The following ST18 variants were observed in gnomAD, a reference collection of about 807,000 sequenced individuals.
The protein encoded by ST18 is ST18 C2H2C-type zinc finger transcription factor.
A neutral mutation model predicts 110.0 loss-of-function variants in ST18; 50 were observed. The ratio of observed to expected loss-of-function variants is 0.45; its 90% CI spans 0.36 to 0.58. The LOEUF is 0.58. ST18 is among the 20% of genes least tolerant of loss of function. ST18 has a pLI of 0.00. For synonymous variants in ST18, 461 were observed against 452.4 expected (o/e 1.02, Z -0.24); for missense variants, 1,306 against 1,280.1 (o/e 1.02, Z -0.31).
intron 2 of ST18, among the ~76,000 whole-genome samples, chr8:52,276,685 C>T (rs1462382965): frequency 1.3e-5 from 2 of 151,950 alleles, no homozygotes; most frequent in South Asian, 2.1e-4. Flanking sequence ...ATGCCTTTAA[C>T]TCCACAGGGA....
At chr8:52,370,892 C>A (rs996183550) in intron 2 of ST18, among the ~76,000 whole-genome samples, 5 of 152,166 alleles carry the variant, frequency 3.3e-5, no homozygotes, top group African/African-American at 1.2e-4. Context: ...CCAACTGATC[C>A]AGTCTATGTA....
intron 2 of ST18, among the ~76,000 whole-genome samples, chr8:52,389,712 G>C (rs1040281401): frequency 6.6e-6 from 1 of 152,224 alleles, no homozygotes; most frequent in Non-Finnish European, 1.5e-5. Flanking sequence ...CTGCAGAAGA[G>C]AGGCCCAACT....
At chr8:52,310,213 G>C (rs1002702433) in intron 2 of ST18, among the ~76,000 whole-genome samples, 1 of 152,148 alleles carries the variant, frequency 6.6e-6, no homozygotes, top group Non-Finnish European at 1.5e-5. Context: ...CGGCAATTAT[G>C]AATCTTGGTT....
At chr8:52,156,311 G>A (rs2060001994) in intron 15 of ST18, among the ~76,000 whole-genome samples, 1 of 152,228 alleles carries the variant, frequency 6.6e-6, no homozygotes, top group Non-Finnish European at 1.5e-5. Context: ...TATACCAAAA[G>A]TGCTCAGCTG....
intron 8 of ST18, among the ~76,000 whole-genome samples, chr8:52,208,442 T>C (rs151279917): frequency 6.6e-6 from 1 of 152,332 alleles, no homozygotes; most frequent in Non-Finnish European, 1.5e-5. Context: ...ATGCTAAAAA[T>C]ATAAGCTTCC....
chr8:52,408,569 ACAAATAAAAGTGGTTATTATGCTTTGCT>A (rs1447514105), intron 2 of ST18, among the ~76,000 whole-genome samples: 2 of 152,256 alleles, frequency 1.3e-5, no homozygotes, highest in Non-Finnish European at 2.9e-5. Context: ...TATTGTACCA[ACAAATAAAAGTGGTTATTATGCTTTGCT>A]CAAGAAACTC....
chr8:52,325,523 G>A (rs1346220179), intron 2 of ST18, among the ~76,000 whole-genome samples: 1 of 151,980 alleles, frequency 6.6e-6, no homozygotes, highest in Non-Finnish European at 1.5e-5. Context: ...CATCCTGAAA[G>A]CTTAATTAGA....
At chr8:52,146,940 A>G (rs998171237) in intron 16 of ST18, among the ~76,000 whole-genome samples, 5 of 152,228 alleles carry the variant, frequency 3.3e-5, no homozygotes. Context: ...ATAAGCATTT[A>G]GCTTAAACAA....
rs181652880 is a variant in ST18, at chr8:52,222,467, T to C, written c.-418-674A>G. Among the ~76,000 whole-genome samples the C allele has an allele frequency of 8.5e-3, 1,290 of 152,186 alleles. 16 individuals are homozygous for C. Among genetic ancestry groups the C allele is most frequent in the South Asian group, 0.028 (135 of 4,822 alleles). Reference sequence around the variant, plus strand: ...CCCCATCTGCCGTGGCTCCCCTCCCTGGGGAAGAGAGTGAAGGCAGCACAG... The same window carrying C: ...CCCCATCTGCCGTGGCTCCCCTCCCCGGGGAAGAGAGTGAAGGCAGCACAG... On this transcript the variant is annotated intron_variant, in intron 3 of 25. Coordinates refer to ENST00000689386, the MANE Select transcript of ST18 (RefSeq NM_001352837.2).
At chr8:52,228,618 G>T (rs538241017) in intron 3 of ST18, among the ~76,000 whole-genome samples, 2 of 152,222 alleles carry the variant, frequency 1.3e-5, no homozygotes, top group Admixed American at 1.3e-4. Context: ...CAGAGTGGCA[G>T]GCACTCTTGT....
chr8:52,241,249 T>G (rs2093371651), intron 2 of ST18, among the ~76,000 whole-genome samples: 1 of 152,250 alleles, frequency 6.6e-6, no homozygotes, highest in African/African-American at 2.4e-5. Flanking sequence ...ACCTGGTCAA[T>G]GCTCAATATG....
At chr8:52,297,125 A>C (rs1227736051) in intron 2 of ST18, among the ~76,000 whole-genome samples, 6 of 152,222 alleles carry the variant, frequency 3.9e-5, no homozygotes, top group African/African-American at 1.4e-4. Flanking sequence ...CTTCACCTTG[A>C]TTCCACAGGG....
chr8:52,240,086 G>C (rs1000828462), intron 2 of ST18, among the ~76,000 whole-genome samples: 1 of 152,062 alleles, frequency 6.6e-6, no homozygotes, highest in Non-Finnish European at 1.5e-5. Flanking sequence ...GAGCCACCAA[G>C]CCCAGCCTCC....
chr8:52,320,718 C>G (rs186227014), intron 2 of ST18, among the ~76,000 whole-genome samples: 24 of 152,270 alleles, frequency 1.6e-4, no homozygotes, highest in Non-Finnish European at 1.0e-4. Flanking sequence ...GGATGCAGAA[C>G]AAAGCAGCTC....
At chr8:52,260,986 A>G (rs943749230) in intron 2 of ST18, among the ~76,000 whole-genome samples, 1 of 152,190 alleles carries the variant, frequency 6.6e-6, no homozygotes, top group Non-Finnish European at 1.5e-5. Context: ...GGCATTTAAC[A>G]CAACAAAAAG....
At chr8:52,316,715 G>A (rs1203503767) in intron 2 of ST18, among the ~76,000 whole-genome samples, 1 of 152,138 alleles carries the variant, frequency 6.6e-6, no homozygotes, top group African/African-American at 2.4e-5. Flanking sequence ...TATGGTTAAT[G>A]TCTGCTTCTC....
At chr8:52,277,062 T>C (rs112400385) in intron 2 of ST18, among the ~76,000 whole-genome samples, 13,634 of 152,240 alleles carry the variant, frequency 0.09, 655 homozygotes, top group East Asian at 0.17. Flanking sequence ...CCACAGTGCC[T>C]GGTCAAAGGC....
intron 2 of ST18, among the ~76,000 whole-genome samples, chr8:52,353,175 C>T (rs1590174029): frequency 1.3e-5 from 2 of 152,264 alleles, no homozygotes; most frequent in Middle Eastern, 6.8e-3. Flanking sequence ...ACAGAATATG[C>T]TAATGTGGGA....
chr8:52,398,707 T>A (rs766896857), intron 2 of ST18, among the ~76,000 whole-genome samples: 1 of 152,160 alleles, frequency 6.6e-6, no homozygotes, highest in African/African-American at 2.4e-5. Flanking sequence ...AGAATAATCA[T>A]GGAGTTATTT....
Sources: gnomAD v4.1 joint callset for allele counts (sites outside exome capture counted in the v4.1 genomes callset) on GRCh38, gnomAD v4.1.1 for gene constraint, MANE v1.5 for transcripts, NCBI Gene and HGNC (gene_info 2026-07-23, HGNC 2026-07-21) for gene names.